CD302: variants seen among roughly 807,000 people sequenced by gnomAD.
CD302 encodes CD302 antigen.
A neutral mutation model predicts 26.5 loss-of-function variants in CD302; 23 were observed. That is an observed-to-expected ratio of 0.87 (90% CI 0.62 to 1.23). CD302 has a LOEUF of 1.23. Among genes scored for constraint, CD302 ranks in the 50% most tolerant of loss-of-function variants. CD302 has a pLI of 0.00. For synonymous variants in CD302, 90 were observed against 99.4 expected (o/e 0.91, Z 0.56); for missense variants, 290 against 275.5 (o/e 1.05, Z -0.37).
At chr2:159,780,731 G>A in intron 3 of CD302, 151 bp downstream of exon 3, 1 of 712,164 alleles carries the variant, frequency 1.4e-6, no homozygotes, top group Admixed American at 2.5e-5. Flanking sequence ...GCAGATACAA[G>A]CTGTGGTATG....
At chr2:159,775,979 C>T (rs1016736736) in intron 5 of CD302, among the ~76,000 whole-genome samples, 27 of 145,982 alleles carry the variant, frequency 1.8e-4, no homozygotes, top group African/African-American at 5.3e-4. Context: ...GGAGTGATCC[C>T]GGCTCACTGC....
At chr2:159,774,799 C>T (rs1235214698) in intron 5 of CD302, among the ~76,000 whole-genome samples, 1 of 152,194 alleles carries the variant, frequency 6.6e-6, no homozygotes, top group Non-Finnish European at 1.5e-5. Context: ...AAGTATTCTT[C>T]CCAAGGGAGT....
At position 159,786,263 on chromosome 2, in the gene CD302, T is replaced by G. The variant is rs147052658; in HGVS notation, c.68-2794A>C. Among the ~76,000 whole-genome samples the G allele has an allele frequency of 1.5e-3, 226 of 152,218 alleles. 1 individual carries two copies. The highest frequency in any genetic ancestry group is 5.1e-3 in the African/African-American group (212 of 41,538). ...CTTAAGTAGCTTAATTTATCATCTC[T>G]TCAGCATCTTCAAACACTCCCTTTC... On this transcript the variant is annotated intron_variant, in intron 1 of 5. Transcript: ENST00000259053.
At chr2:159,780,238 AG>A (rs1708466557) in intron 3 of CD302, 60 bp from the exon 4 acceptor site, 1 of 1,571,658 alleles carries the variant, frequency 6.4e-7, no homozygotes, top group Non-Finnish European at 8.7e-7. Flanking sequence ...CAAGCCAAAA[AG>A]GGTGTAGGAT....
At chr2:159,772,987 G>A (rs1232284093) in intron 5 of CD302, among the ~76,000 whole-genome samples, 1 of 152,076 alleles carries the variant, frequency 6.6e-6, no homozygotes, top group African/African-American at 2.4e-5. Flanking sequence ...ATTTGGTAAG[G>A]TGTGAGGGTG....
chr2:159,794,305 T>TAAAATAAAATAAAATAATAA (rs1553795853), intron 1 of CD302, among the ~76,000 whole-genome samples: 2,340 of 108,224 alleles, frequency 0.022, 58 homozygotes, highest in Admixed American at 0.034. Flanking sequence ...AATAAAATAA[T>TAAAATAAAATAAAATAATAA]AAAAAAAAAA....
intron 1 of CD302, among the ~76,000 whole-genome samples, chr2:159,797,222 T>TGG (rs59874954): frequency 0.16 from 16,510 of 104,194 alleles, 1,447 homozygotes; most frequent in African/African-American, 0.22. Flanking sequence ...GGGCAAGGGG[T>TGG]GGGGGGGGGG....
chr2:159,777,288 CATT>C (rs1289690912), intron 5 of CD302, among the ~76,000 whole-genome samples: 2 of 152,162 alleles, frequency 1.3e-5, no homozygotes, highest in Non-Finnish European at 2.9e-5. Context: ...TGCTCAACAT[CATT>C]ATCAGGTAAA....
chr2:159,770,836 C>T lies in CD302; in HGVS notation c.*1015G>A, dbSNP rs1320399545. 6.6e-6 allele frequency: 1 copy of T among 152,076 alleles called. No homozygotes were observed. The highest frequency in any genetic ancestry group is 2.4e-5 in the African/African-American group (1 of 41,434). 9.4% of individuals were successfully genotyped at this position (152,076 alleles called of 1,614,324 possible). ...TTCCCTAACTATGCATTTCTTAGAA[C>T]GTATCCCCATTGATAAGTGATACGT... On this transcript the variant is annotated 3_prime_UTR_variant, in exon 6 of 6. Transcript: ENST00000259053.
intron 5 of CD302, among the ~76,000 whole-genome samples, chr2:159,775,365 G>C (rs1708280164): frequency 6.6e-6 from 1 of 152,220 alleles, no homozygotes; most frequent in African/African-American, 2.4e-5. Context: ...TATGTTGCCA[G>C]ATCTTTCAAC....
chr2:159,777,452 G>A (rs1708368328), intron 5 of CD302, among the ~76,000 whole-genome samples: 1 of 152,112 alleles, frequency 6.6e-6, no homozygotes, highest in South Asian at 2.1e-4. Flanking sequence ...AAAATTATTT[G>A]GTGGTTTCTA....
At chr2:159,773,358 A>G (rs1708214631) in intron 5 of CD302, among the ~76,000 whole-genome samples, 1 of 152,222 alleles carries the variant, frequency 6.6e-6, no homozygotes, top group Admixed American at 6.5e-5. Context: ...TTTTCAGTGT[A>G]GAACCTCAAC....
intron 1 of CD302, among the ~76,000 whole-genome samples, chr2:159,786,168 C>T (rs1708658654): frequency 6.6e-6 from 1 of 152,028 alleles, no homozygotes; most frequent in Admixed American, 6.6e-5. Flanking sequence ...TTCCTAACAC[C>T]TCAGATAGCT....
chr2:159,792,365 A>G (rs1384366267), intron 1 of CD302, among the ~76,000 whole-genome samples: 1 of 151,616 alleles, frequency 6.6e-6, no homozygotes, highest in African/African-American at 2.4e-5. Flanking sequence ...TTATTTCCAT[A>G]CTATCTTATT....
intron 5 of CD302, among the ~76,000 whole-genome samples, chr2:159,773,977 C>G (rs954660185): frequency 1.3e-5 from 2 of 152,032 alleles, no homozygotes; most frequent in Non-Finnish European, 2.9e-5. Context: ...CCATTTAATC[C>G]ATTTTCTCAA....
At chr2:159,776,227 CTCTTT>C (rs943806632) in intron 5 of CD302, among the ~76,000 whole-genome samples, 1 of 151,930 alleles carries the variant, frequency 6.6e-6, no homozygotes, top group African/African-American at 2.4e-5. Flanking sequence ...GAATTTTCTT[CTCTTT>C]TAAGGCTAAA....
chr2:159,780,259 A>G, intron 3 of CD302, 81 bp from the exon 4 acceptor site: 9 of 1,479,644 alleles, frequency 6.1e-6, no homozygotes, highest in Non-Finnish European at 8.3e-6. Flanking sequence ...TTAAAGGTGG[A>G]AAGTTACTAA....
intron 1 of CD302, among the ~76,000 whole-genome samples, chr2:159,796,776 A>ACAT (rs1401816013): frequency 6.6e-6 from 1 of 152,360 alleles, no homozygotes; most frequent in East Asian, 1.9e-4. Context: ...TGAAGAAGAG[A>ACAT]CATACCAAAA....
chr2:159,781,142 G>A, intron 2 of CD302, 144 bp from the exon 3 acceptor site: 2 of 663,148 alleles, frequency 3.0e-6, no homozygotes, highest in South Asian at 4.2e-5. Context: ...GTTCATACAA[G>A]CTAATAAGGT....
Sources: gnomAD v4.1 joint callset for allele counts (sites outside exome capture counted in the v4.1 genomes callset) on GRCh38, gnomAD v4.1.1 for gene constraint, MANE v1.5 for transcripts, NCBI Gene and HGNC (gene_info 2026-07-23, HGNC 2026-07-21) for gene names.